Variants in CSMD1 observed in about 807,000 individuals in gnomAD.
The protein encoded by CSMD1 is CUB and Sushi multiple domains 1.
In CSMD1, 213 loss-of-function variants were observed where a neutral mutation model predicts 417.5. The ratio of observed to expected loss-of-function variants is 0.51; its 90% CI spans 0.46 to 0.57. CSMD1 has a LOEUF of 0.57. Among genes scored for constraint, CSMD1 ranks in the 20% least tolerant of loss-of-function variants. The pLI, the probability that CSMD1 is intolerant of heterozygous loss-of-function variation, is 0.00. For missense variants in CSMD1, 6,923 were observed against 4,529.7 expected (o/e 1.53, Z -15.17); for synonymous variants, 2,862 against 1,736.8 (o/e 1.65, Z -16.11).
intron 2 of CSMD1, among the ~76,000 whole-genome samples, chr8:4,528,903 G>A (rs1171321248): frequency 4.6e-5 from 7 of 152,120 alleles, no homozygotes; most frequent in African/African-American, 7.2e-5. Context: ...TGTTTGAGAC[G>A]GGATTAGCTT....
Position 4,141,911 on chromosome 8 carries a change from A to C in CSMD1, c.416-109812T>G, listed in dbSNP as rs938400082. The stretch of plus-strand genomic sequence containing the variant: ...AGGAAAGAAAACATGAGAACTTCTT[A>C]GAGTGTGATATTTGCTATGCTATCC... On this transcript the variant is annotated intron_variant, in intron 3 of 69. Transcript: ENST00000635120. 1.3e-5 allele frequency among the ~76,000 whole-genome samples: 2 copies of C among 151,152 alleles called. 1 individual carries two copies. Among genetic ancestry groups the C allele is most frequent in the African/African-American group, 4.9e-5 (2 of 40,460 alleles).
chr8:4,527,828 G>C (rs1479703871), intron 2 of CSMD1, among the ~76,000 whole-genome samples: 2 of 152,210 alleles, frequency 1.3e-5, no homozygotes, highest in Non-Finnish European at 2.9e-5. Context: ...GAAAGATTAA[G>C]TTTTCAGCCT....
At chr8:4,380,810 G>T (rs995819732) in intron 3 of CSMD1, among the ~76,000 whole-genome samples, 2 of 152,142 alleles carry the variant, frequency 1.3e-5, no homozygotes, top group Admixed American at 1.3e-4. Context: ...TTGGGAGCAA[G>T]GCACATTAAT....
At chr8:4,861,254 T>C (rs904935455) in intron 1 of CSMD1, among the ~76,000 whole-genome samples, 1 of 152,202 alleles carries the variant, frequency 6.6e-6, no homozygotes, top group Non-Finnish European at 1.5e-5. Context: ...TCTGCGGCTA[T>C]ACATTCAGAA....
chr8:3,184,336 G>C (rs1196222821), intron 36 of CSMD1, among the ~76,000 whole-genome samples: 2 of 152,096 alleles, frequency 1.3e-5, no homozygotes, highest in African/African-American at 2.4e-5. Flanking sequence ...AAACATACTA[G>C]TTATTCTCTG....
chr8:2,953,748 C>T (rs1802807946), intron 65 of CSMD1, among the ~76,000 whole-genome samples: 1 of 152,144 alleles, frequency 6.6e-6, no homozygotes, highest in Non-Finnish European at 1.5e-5. Context: ...CTATAATTAA[C>T]ATTTTAGAAG....
chr8:3,119,156 G>T (rs1281287189), intron 41 of CSMD1, among the ~76,000 whole-genome samples: 1 of 151,680 alleles, frequency 6.6e-6, no homozygotes, highest in Admixed American at 6.6e-5. Flanking sequence ...CTCCAGCCCG[G>T]GCGACAGAGC....
chr8:4,230,495 A>G (rs1024100511), intron 3 of CSMD1, among the ~76,000 whole-genome samples: 3 of 152,196 alleles, frequency 2.0e-5, no homozygotes, highest in East Asian at 3.9e-4. Flanking sequence ...AAGTAGATAT[A>G]ATGGTTACTG....
chr8:3,244,062 T>C (rs1020347), intron 26 of CSMD1, among the ~76,000 whole-genome samples: 129,015 of 152,108 alleles, frequency 0.85, 55,655 homozygotes, highest in Non-Finnish European at 0.94. Flanking sequence ...CATAAAGCAA[T>C]ACCAATATAC....
At chr8:3,999,805 A>T (rs1815518045) in intron 4 of CSMD1, among the ~76,000 whole-genome samples, 1 of 152,120 alleles carries the variant, frequency 6.6e-6, no homozygotes, top group Non-Finnish European at 1.5e-5. Context: ...TACATGAGGG[A>T]TGGGTGTTCT....
At chr8:3,788,638 C>T (rs1799570623) in intron 5 of CSMD1, among the ~76,000 whole-genome samples, 1 of 152,134 alleles carries the variant, frequency 6.6e-6, no homozygotes, top group Non-Finnish European at 1.5e-5. Context: ...TTTACTTGAG[C>T]CCTCTGAGGT....
chr8:4,674,703 G>C (rs374473883), intron 1 of CSMD1, among the ~76,000 whole-genome samples: 6 of 152,162 alleles, frequency 3.9e-5, no homozygotes, highest in African/African-American at 1.4e-4. Flanking sequence ...ATGGAATGTA[G>C]AAGAGAGTAG....
At chr8:3,674,694 G>A (rs189048237) in intron 7 of CSMD1, among the ~76,000 whole-genome samples, 3 of 152,098 alleles carry the variant, frequency 2.0e-5, no homozygotes, top group East Asian at 3.9e-4. Flanking sequence ...CAGAGGCAGA[G>A]AATGAGATGA....
intron 5 of CSMD1, among the ~76,000 whole-genome samples, chr8:3,927,496 C>G (rs929466519): frequency 6.6e-6 from 1 of 151,940 alleles, no homozygotes; most frequent in Admixed American, 6.6e-5. Context: ...GAGACCCCAT[C>G]TCTACTAAAA....
intron 5 of CSMD1, among the ~76,000 whole-genome samples, chr8:3,977,913 A>G (rs1371350135): frequency 6.6e-6 from 1 of 152,170 alleles, no homozygotes; most frequent in Non-Finnish European, 1.5e-5. Context: ...CTCCAATTTC[A>G]TGTCAGCCAC....
chr8:3,870,954 T>G (rs1484355543), intron 5 of CSMD1, among the ~76,000 whole-genome samples: 1 of 151,958 alleles, frequency 6.6e-6, no homozygotes, highest in East Asian at 1.9e-4. Flanking sequence ...ATGTAAATTT[T>G]TGTTTTATAT....
At chr8:3,877,182 T>C (rs905317867) in intron 5 of CSMD1, among the ~76,000 whole-genome samples, 1 of 152,128 alleles carries the variant, frequency 6.6e-6, no homozygotes, top group African/African-American at 2.4e-5. Context: ...AGAAGTGACT[T>C]TTGGAAGAAG....
intron 17 of CSMD1, 36 bp downstream of exon 17, chr8:3,396,150 ATGCATGCT>A: frequency 6.7e-7 from 1 of 1,500,746 alleles, no homozygotes. Flanking sequence ...TAGTTCTCCC[ATGCATGCT>A]GCCCTGCCGG....
At chr8:4,532,894 CCATT>C (rs757335400) in intron 2 of CSMD1, among the ~76,000 whole-genome samples, 2 of 151,746 alleles carry the variant, frequency 1.3e-5, no homozygotes, top group East Asian at 2.0e-4. Flanking sequence ...TCCTGCACCC[CCATT>C]CAGAGTCACT....
Sources: gnomAD v4.1 joint callset for allele counts (sites outside exome capture counted in the v4.1 genomes callset) on GRCh38, gnomAD v4.1.1 for gene constraint, MANE v1.5 for transcripts, NCBI Gene and HGNC (gene_info 2026-07-23, HGNC 2026-07-21) for gene names.